Variants in EYS observed in about 807,000 individuals in gnomAD.
The protein encoded by EYS is protein eyes shut homolog.
Under a neutral mutation model 282.1 loss-of-function variants are expected in EYS, and 250 were observed. The observed-to-expected ratio is 0.89, with a 90% confidence interval of 0.80 to 0.98. The LOEUF (loss-of-function observed/expected upper bound fraction) is 0.98. Among genes scored for constraint, EYS ranks in the 50% least tolerant of loss-of-function variants. The pLI is 0.00. For missense variants in EYS, 4,016 were observed against 3,709.0 expected, an observed-to-expected ratio of 1.08 and a Z score of -2.15; for synonymous variants, 1,355 against 1,282.9, an observed-to-expected ratio of 1.06 and a Z score of -1.20.
At chr6:65,319,156 C>T (rs533473498) in intron 11 of EYS, among the ~76,000 whole-genome samples, 120 of 127,736 alleles carry the variant, frequency 9.4e-4, no homozygotes, top group African/African-American at 3.4e-3. Flanking sequence ...GTCAGGAGTT[C>T]GAGACCAAAC....
At chr6:64,431,485 A>G (rs950346725) in intron 28 of EYS, among the ~76,000 whole-genome samples, 1 of 152,104 alleles carries the variant, frequency 6.6e-6, no homozygotes, top group African/African-American at 2.4e-5. Context: ...ACACAGGTAA[A>G]TCTCAGAGGA....
intron 30 of EYS, among the ~76,000 whole-genome samples, chr6:64,296,577 TATATATACATATATA>T (rs1769015954): frequency 9.7e-4 from 8 of 8,286 alleles, no homozygotes; most frequent in African/African-American, 2.3e-3. Context: ...TATATATATA[TATATATACATATATA>T]TATATATTTT....
intron 22 of EYS, among the ~76,000 whole-genome samples, chr6:64,797,273 A>G (rs1774381712): frequency 1.3e-5 from 2 of 152,052 alleles, no homozygotes. Flanking sequence ...GTAAGGCAGA[A>G]GAATTAAACA....
intron 26 of EYS, among the ~76,000 whole-genome samples, chr6:64,445,761 A>T (rs570439061): frequency 2.3e-4 from 35 of 152,314 alleles, no homozygotes; most frequent in East Asian, 1.7e-3. Flanking sequence ...TAGGAGGAAG[A>T]AATAACTTTC....
chr6:65,344,961 C>T (rs574503574), intron 9 of EYS, among the ~76,000 whole-genome samples: 43 of 151,692 alleles, frequency 2.8e-4, no homozygotes, highest in African/African-American at 9.9e-4. Context: ...AGCAAAATAT[C>T]TCTGGCTTTG....
At chr6:65,013,104 A>C (rs572581859) in intron 13 of EYS, among the ~76,000 whole-genome samples, 1 of 152,310 alleles carries the variant, frequency 6.6e-6, no homozygotes, top group East Asian at 1.9e-4. Context: ...TTTAATGAAA[A>C]GTTCCCATGC....
chr6:64,438,768 T>C (rs754466720), intron 27 of EYS, among the ~76,000 whole-genome samples: 4 of 151,702 alleles, frequency 2.6e-5, no homozygotes, highest in Non-Finnish European at 5.9e-5. Context: ...GTATAGTATA[T>C]GAGCTTCTTA....
chr6:64,164,784 A>G (rs1285780708), intron 31 of EYS, among the ~76,000 whole-genome samples: 2 of 152,142 alleles, frequency 1.3e-5, no homozygotes, highest in Non-Finnish European at 2.9e-5. Context: ...GAATAAAAAG[A>G]CAAATTGTTG....
chr6:64,789,728 T>C (rs193074676), intron 22 of EYS, among the ~76,000 whole-genome samples: 1 of 152,090 alleles, frequency 6.6e-6, no homozygotes, highest in Non-Finnish European at 1.5e-5. Flanking sequence ...TTCTTTTTTT[T>C]AAAACTGCAA....
In EYS at chr6:63,984,414, G is replaced by T; in HGVS notation, c.7024C>A (p.His2342Asn). 1 of 1,549,366 alleles carries T rather than the reference G, an allele frequency of 6.5e-7. No individual in the cohort carries two copies. The highest frequency in any genetic ancestry group is 8.7e-7 in the Non-Finnish European group (1 of 1,145,334). The change falls in exon 35 of 43, where the codon CAT (histidine) becomes AAT (asparagine). Residue 2342 changes from histidine to asparagine, a missense_variant. Coordinates refer to ENST00000503581, the MANE Select transcript of EYS (RefSeq NM_001142800.2). ...ENCHVPWCAH[H>N]LCRNNGTCIS... ...CAGGTGCCATTGTTGCGGCACAGAT[G>T]ATGAGCACACCAAGGGACGTGGCAG...
intron 12 of EYS, among the ~76,000 whole-genome samples, chr6:65,212,835 A>C (rs1449103810): frequency 6.6e-6 from 1 of 152,158 alleles, no homozygotes; most frequent in Non-Finnish European, 1.5e-5. Flanking sequence ...AAGCATTTAA[A>C]CCTATAATTT....
chr6:65,153,603 C>T (rs910823242), intron 12 of EYS, among the ~76,000 whole-genome samples: 2 of 151,646 alleles, frequency 1.3e-5, no homozygotes, highest in African/African-American at 4.8e-5. Context: ...CTCAGTGCTG[C>T]CATGTTCTTT....
intron 31 of EYS, among the ~76,000 whole-genome samples, chr6:64,173,676 G>A (rs1764546762): frequency 6.6e-6 from 1 of 151,910 alleles, no homozygotes; most frequent in African/African-American, 2.4e-5. Context: ...TACCTTAATG[G>A]GAACTTTTAC....
At chr6:65,120,460 C>CA (rs67505285) in intron 12 of EYS, among the ~76,000 whole-genome samples, 2,256 of 68,088 alleles carry the variant, frequency 0.033, 72 homozygotes, top group East Asian at 0.095. Flanking sequence ...TTTAAATAAG[C>CA]AAAAAAAAAA....
At chr6:63,921,049 C>T (rs143775057) in intron 35 of EYS, among the ~76,000 whole-genome samples, 1,743 of 152,254 alleles carry the variant, frequency 0.011, 32 homozygotes, top group African/African-American at 0.04. Flanking sequence ...CTGGCCACCA[C>T]ACCTGGCTAA....
At chr6:63,987,447 T>C (rs1224665852) in intron 34 of EYS, among the ~76,000 whole-genome samples, 1 of 151,756 alleles carries the variant, frequency 6.6e-6, no homozygotes, top group Non-Finnish European at 1.5e-5. Context: ...TTTAAGTTGC[T>C]ACTTGATTTC....
At chr6:65,364,618 A>T (rs530411765) in intron 8 of EYS, among the ~76,000 whole-genome samples, 1 of 151,620 alleles carries the variant, frequency 6.6e-6, no homozygotes, top group African/African-American at 2.4e-5. Flanking sequence ...GATATTTCTT[A>T]TATCTACCTT....
intron 12 of EYS, among the ~76,000 whole-genome samples, chr6:65,115,966 AATCTATCTATCTATCTATCT>A (rs3036006): frequency 2.8e-5 from 4 of 144,962 alleles, no homozygotes; most frequent in African/African-American, 5.2e-5. Context: ...CTGTCTATCT[AATCTATCTATCTATCTATCT>A]ATCTATCTAT....
At chr6:63,893,423 T>A (rs321513) in intron 35 of EYS, among the ~76,000 whole-genome samples, 62 of 152,132 alleles carry the variant, frequency 4.1e-4, no homozygotes, top group African/African-American at 1.4e-3. Flanking sequence ...TCTTGTCCTG[T>A]GCAGGGACAA....
Sources: gnomAD v4.1 joint callset for allele counts (sites outside exome capture counted in the v4.1 genomes callset) on GRCh38, gnomAD v4.1.1 for gene constraint, MANE v1.5 for transcripts, NCBI Gene and HGNC (gene_info 2026-07-23, HGNC 2026-07-21) for gene names.